MGST1: variants seen among roughly 807,000 people sequenced by gnomAD.
The protein encoded by MGST1 is microsomal glutathione S-transferase 1, also known as glutathione S-transferase 12.
A neutral mutation model predicts 8.9 loss-of-function variants in MGST1; 5 were observed. That is an observed-to-expected ratio of 0.56 (90% CI 0.29 to 1.19). The LOEUF (loss-of-function observed/expected upper bound fraction) is 1.19, where lower values mean the gene tolerates loss of function less well. MGST1 is among the 50% of genes most tolerant of loss of function. The probability of loss-of-function intolerance (pLI) is 0.08; values close to 1 mark genes in which losing one functional copy is unlikely to be tolerated. For missense variants in MGST1, 182 were observed against 187.4 expected (o/e 0.97, Z 0.17); for synonymous variants, 54 against 67.8 (o/e 0.80, Z 1.00).
chr12:16,467,883 A>G (rs1941265660), intron 4 of MGST1, among the ~76,000 whole-genome samples: 1 of 152,158 alleles, frequency 6.6e-6, no homozygotes, highest in African/African-American at 2.4e-5. Context: ...AGTCTTAGAG[A>G]AAATGCACTC....
chr12:16,510,156 G>C (rs968305025), intron 4 of MGST1, among the ~76,000 whole-genome samples: 1 of 152,188 alleles, frequency 6.6e-6, no homozygotes, highest in Non-Finnish European at 1.5e-5. Context: ...AGTTTGGAAG[G>C]CTCTGTCAGA....
chr12:16,401,873 C>T lies in MGST1; in HGVS notation n.778+18269C>T. The T allele has an allele frequency of 1.2e-6, 2 of 1,604,074 alleles. No individual in the cohort carries two copies. The highest frequency in any genetic ancestry group is 1.7e-6 in the Non-Finnish European group (2 of 1,170,850). On this transcript the variant is annotated intron_variant and non_coding_transcript_variant, in intron 1 of 1. Transcript: ENST00000359720. This position sits in a 1 kb window ranked among gnomAD's most constrained non-coding sequence, Gnocchi z 4.3. ...CAGAAGTGATGCCAGCTGCTTTCTT[C>T]ATTAATTTGAGCTCCCCATCCTCCC...
chr12:16,482,001 C>T lies in MGST1; in HGVS notation n.482+98397C>T, dbSNP rs749947035. Among the ~76,000 whole-genome samples, 1 of 152,066 alleles carries T rather than the reference C, an allele frequency of 6.6e-6. No homozygotes were observed. Among genetic ancestry groups the T allele is most frequent in the South Asian group, 2.1e-4 (1 of 4,822 alleles). ...CTTAAAAAAGACTGGAGAGAAAAGACATTTTACACAGAAAGGAATAATAAG... is the reference window on the plus strand; with the variant it reads ...CTTAAAAAAGACTGGAGAGAAAAGATATTTTACACAGAAAGGAATAATAAG... On this transcript the variant is annotated intron_variant and non_coding_transcript_variant, in intron 4 of 4. Coordinates refer to the MGST1 transcript ENST00000538857. This position sits in a 1 kb window ranked among gnomAD's most constrained non-coding sequence, Gnocchi z 4.2.
chr12:16,561,027 T>C (rs1350121970), intron 4 of MGST1, among the ~76,000 whole-genome samples: 3 of 152,118 alleles, frequency 2.0e-5, no homozygotes, highest in Admixed American at 6.5e-5. Flanking sequence ...TCAAAAAACA[T>C]AGAGGCGCAT....
intron 4 of MGST1, among the ~76,000 whole-genome samples, chr12:16,462,179 C>T (rs562201336): frequency 6.6e-6 from 1 of 152,142 alleles, no homozygotes; most frequent in Non-Finnish European, 1.5e-5. Context: ...ACTGTATCTA[C>T]ATATGCAGAT....
chr12:16,519,256 T>A (rs1941633686), intron 4 of MGST1, among the ~76,000 whole-genome samples: 1 of 152,192 alleles, frequency 6.6e-6, no homozygotes, highest in Non-Finnish European at 1.5e-5. Flanking sequence ...CGTAGACAGT[T>A]ATTGACTTAT....
chr12:16,400,403 G>T lies in MGST1; in HGVS notation n.778+16799G>T, dbSNP rs1023168451. On this transcript the variant is annotated intron_variant and non_coding_transcript_variant, in intron 1 of 1. Coordinates refer to the MGST1 transcript ENST00000359720. ...ACACGGGCCTCCAGTGAGCCTTGCA[G>T]CCTCTTTTGGGCAATATTTGGGCGA... 3.7e-6 allele frequency: 3 copies of T among 818,160 alleles called. No homozygotes were observed. The South Asian group carries it at 4.0e-5, about 11-fold the overall frequency. 50.7% of individuals were successfully genotyped at this position (818,160 alleles called of 1,614,324 possible). A position where few individuals can be genotyped will look rare whatever the true frequency, so the allele number is the denominator to read the frequency against.
intron 4 of MGST1, among the ~76,000 whole-genome samples, chr12:16,488,146 G>A (rs1418563616): frequency 1.3e-5 from 2 of 152,182 alleles, no homozygotes; most frequent in Non-Finnish European, 2.9e-5. Flanking sequence ...CTAGGAGAAT[G>A]TGAAGTTGAA....
chr12:16,530,940 T>C (rs924300189), intron 4 of MGST1, among the ~76,000 whole-genome samples: 3 of 151,860 alleles, frequency 2.0e-5, no homozygotes, highest in Non-Finnish European at 4.4e-5. Flanking sequence ...AGTGAAGACT[T>C]GGGAAGTGAA....
intron 4 of MGST1, among the ~76,000 whole-genome samples, chr12:16,461,413 G>C (rs993883864): frequency 3.9e-5 from 6 of 152,186 alleles, no homozygotes; most frequent in African/African-American, 1.4e-4. Flanking sequence ...TTTATCAGAC[G>C]TACAACCAGA....
intron 1 of MGST1, among the ~76,000 whole-genome samples, chr12:16,415,596 A>G (rs1015632853): frequency 6.6e-6 from 1 of 152,318 alleles, no homozygotes; most frequent in East Asian, 1.9e-4. Flanking sequence ...ATTTATTAAT[A>G]ACATTTTCTT....
intron 1 of MGST1, among the ~76,000 whole-genome samples, chr12:16,387,890 C>T (rs7313941): frequency 0.41 from 62,470 of 151,636 alleles, 13,601 homozygotes; most frequent in East Asian, 0.57. Context: ...CATTGCACTA[C>T]AATTTGTCTA....
chr12:16,347,918 A>C lies in MGST1; in HGVS notation c.-23+208A>C, dbSNP rs1939273847. 6.6e-6 allele frequency: 1 copy of C among 152,248 alleles called. No homozygotes were observed. 9.4% of individuals were successfully genotyped at this position (152,248 alleles called of 1,614,324 possible). On this transcript the variant is annotated intron_variant, in intron 1 of 3. Transcript: ENST00000396210. This position sits in a 1 kb window ranked among gnomAD's most constrained non-coding sequence, Gnocchi z 4.0. ...GTGCGGGTAAGTTTTCCCATTTCTCAAACTCCAGGAATGAAACGAGAGAGT... is the reference window on the plus strand; with the variant it reads ...GTGCGGGTAAGTTTTCCCATTTCTCCAACTCCAGGAATGAAACGAGAGAGT...
rs547411483 is a variant in MGST1, at chr12:16,458,132, G to A, written n.482+74528G>A. ...AGAAGTGCAAAAGCGTGAACCCGAGGGTTACTGCATATTAATACTTTGGGA... is the reference window on the plus strand; with the variant it reads ...AGAAGTGCAAAAGCGTGAACCCGAGAGTTACTGCATATTAATACTTTGGGA... On this transcript the variant is annotated intron_variant and non_coding_transcript_variant, in intron 4 of 4. Transcript: ENST00000538857. This position sits in a 1 kb window ranked among gnomAD's most constrained non-coding sequence, Gnocchi z 4.0. 2.6e-5 allele frequency among the ~76,000 whole-genome samples: 4 copies of A among 152,030 alleles called. No homozygotes were observed. The highest frequency in any genetic ancestry group is 9.6e-5 in the African/African-American group (4 of 41,508).
chr12:16,494,435 A>AT (rs1400583563), intron 4 of MGST1, among the ~76,000 whole-genome samples: 9 of 152,192 alleles, frequency 5.9e-5, no homozygotes, highest in Non-Finnish European at 1.0e-4. Context: ...TGTGTATTTC[A>AT]TAAGTTTGAG....
chr12:16,551,416 G>T (rs111970892), intron 4 of MGST1: 1 of 770,422 alleles, frequency 1.3e-6, no homozygotes, highest in Non-Finnish European at 2.2e-6. Flanking sequence ...TAATAGTTTC[G>T]CATGGTAATT....
intron 3 of MGST1, chr12:16,375,999 C>T (rs1433800369): frequency 9.1e-6 from 5 of 547,100 alleles, no homozygotes; most frequent in Non-Finnish European, 1.1e-5. Context: ...ACACACAACA[C>T]CCACACACCT....
At chr12:16,354,450 C>T in intron 2 of MGST1, 72 bp downstream of exon 2, 5 of 1,509,330 alleles carry the variant, frequency 3.3e-6, no homozygotes, top group Non-Finnish European at 4.4e-6. Context: ...TCTTAATTTT[C>T]TTTTTTTATT....
At chr12:16,371,013 A>G (rs1940283185) in intron 3 of MGST1, among the ~76,000 whole-genome samples, 1 of 152,160 alleles carries the variant, frequency 6.6e-6, no homozygotes, top group African/African-American at 2.4e-5. Context: ...CCAAAATGAA[A>G]TGATTGTTAC....
Sources: allele counts gnomAD v4.1 joint callset (sites outside exome capture counted in the v4.1 genomes callset), GRCh38; gene constraint gnomAD v4.1.1; non-coding constraint Gnocchi (gnomAD v3.1); transcripts MANE v1.5; gene names NCBI Gene and HGNC (gene_info 2026-07-23, HGNC 2026-07-21).